The following ANKRD6 variants were observed in gnomAD, a reference collection of about 807,000 sequenced individuals.
ANKRD6 encodes ankyrin repeat domain-containing protein 6.
A neutral mutation model predicts 82.3 loss-of-function variants in ANKRD6; 56 were observed. That is an observed-to-expected ratio of 0.68 (90% confidence interval 0.55 to 0.85). The LOEUF (loss-of-function observed/expected upper bound fraction) is 0.85, where lower values mean the gene tolerates loss of function less well. Ranked by LOEUF, ANKRD6 falls within the 40% of genes least tolerant of loss-of-function variation. The pLI is 0.00. For missense variants in ANKRD6, 852 were observed against 907.6 expected (o/e 0.94, Z 0.79); for synonymous variants, 347 against 352.1 (o/e 0.99, Z 0.16).
intron 1 of ANKRD6, among the ~76,000 whole-genome samples, chr6:89,522,838 C>T (rs1223900328): frequency 2.6e-5 from 4 of 152,048 alleles, no homozygotes; most frequent in Non-Finnish European, 5.9e-5. Flanking sequence ...TTGCACTCTT[C>T]CTGGTCTCAG....
intron 3 of ANKRD6, among the ~76,000 whole-genome samples, chr6:89,601,449 C>G (rs1341614263): frequency 6.6e-6 from 1 of 152,060 alleles, no homozygotes; most frequent in Admixed American, 6.6e-5. Context: ...TGTTTCTGCT[C>G]AGACTTCTAA....
intron 1 of ANKRD6, among the ~76,000 whole-genome samples, chr6:89,565,729 C>T (rs764607853): frequency 3.9e-5 from 6 of 152,216 alleles, no homozygotes; most frequent in African/African-American, 7.2e-5. Flanking sequence ...CTGCATCTTC[C>T]AGACCTTCAG....
In ANKRD6 at chr6:89,630,739, G is replaced by T. The variant is rs367720865; in HGVS notation, c.1919G>T (p.Ser640Ile). ...CGTGCCCAGCAACCCGCAGCCAGCA[G>T]CACCTGTGGGCAGCCGCCACCAGCC... ...RHRAQQPAASSTCGQPPPATG... is the reference protein window; with the variant it reads ...RHRAQQPAASITCGQPPPATG... The change falls in exon 16 of 16, where the codon AGC becomes ATC. Residue 640 changes from serine to isoleucine, a missense_variant. Ser to Ile is a moderately radical substitution (Grantham distance 142). Coordinates refer to ENST00000339746, the MANE Select transcript of ANKRD6 (RefSeq NM_001242809.2). 6 of 1,613,836 alleles carry T rather than the reference G, an allele frequency of 3.7e-6. No individual in the cohort carries two copies. The African/African-American group carries it at 6.7e-5, about 18-fold the overall frequency.
At chr6:89,463,015 T>C (rs901954083) in intron 1 of ANKRD6, among the ~76,000 whole-genome samples, 3 of 151,982 alleles carry the variant, frequency 2.0e-5, no homozygotes, top group African/African-American at 4.8e-5. Context: ...TGTGCCACCA[T>C]GCCCAGCTAA....
At chr6:89,599,909 G>C (rs1796716044) in intron 3 of ANKRD6, among the ~76,000 whole-genome samples, 1 of 152,124 alleles carries the variant, frequency 6.6e-6, no homozygotes, top group African/African-American at 2.4e-5. Context: ...CCTGACAGCA[G>C]TGTTTATCTG....
intron 1 of ANKRD6, among the ~76,000 whole-genome samples, chr6:89,548,532 T>G (rs774880047): frequency 4.6e-5 from 7 of 152,370 alleles, no homozygotes; most frequent in Non-Finnish European, 8.8e-5. Flanking sequence ...TTCTGTTCAC[T>G]TAGACACAGA....
intron 1 of ANKRD6, among the ~76,000 whole-genome samples, chr6:89,548,261 T>G (rs1365817925): frequency 6.6e-6 from 1 of 152,236 alleles, no homozygotes; most frequent in African/African-American, 2.4e-5. Context: ...TTTTGGACAT[T>G]TCATATAAAT....
At chr6:89,457,356 A>C (rs990465174) in intron 1 of ANKRD6, among the ~76,000 whole-genome samples, 2 of 152,192 alleles carry the variant, frequency 1.3e-5, no homozygotes, top group African/African-American at 4.8e-5. Flanking sequence ...AGACTACCAT[A>C]AATTGGAGTG....
intron 3 of ANKRD6, among the ~76,000 whole-genome samples, chr6:89,599,835 G>C (rs1796699643): frequency 1.3e-5 from 2 of 152,104 alleles, no homozygotes; most frequent in African/African-American, 4.8e-5. Context: ...ATTCCAGCTA[G>C]TGTCAGCACA....
At chr6:89,506,014 CATAGAA>C (rs528373856) in intron 1 of ANKRD6, among the ~76,000 whole-genome samples, 20 of 152,198 alleles carry the variant, frequency 1.3e-4, no homozygotes, top group Admixed American at 9.8e-4. Flanking sequence ...AAGTCAAACT[CATAGAA>C]ATAGAGTAGG....
At chr6:89,462,485 G>T (rs553637054) in intron 1 of ANKRD6, among the ~76,000 whole-genome samples, 2 of 152,044 alleles carry the variant, frequency 1.3e-5, no homozygotes, top group South Asian at 4.1e-4. Flanking sequence ...GGGGACTGGA[G>T]TGAAGCACCT....
At chr6:89,523,791 G>A (rs1213494659) in intron 1 of ANKRD6, among the ~76,000 whole-genome samples, 2 of 152,100 alleles carry the variant, frequency 1.3e-5, no homozygotes, top group Non-Finnish European at 2.9e-5. Flanking sequence ...TGCTAAGCCT[G>A]CAGAAATGTA....
At chr6:89,539,448 A>G (rs1284503580) in intron 1 of ANKRD6, among the ~76,000 whole-genome samples, 1 of 152,182 alleles carries the variant, frequency 6.6e-6, no homozygotes, top group African/African-American at 2.4e-5. Context: ...TATGAAAAAT[A>G]ATGATATACA....
chr6:89,573,362 A>C (rs1481802128), intron 2 of ANKRD6, among the ~76,000 whole-genome samples: 1 of 152,214 alleles, frequency 6.6e-6, no homozygotes, highest in Non-Finnish European at 1.5e-5. Context: ...TTCATCTACT[A>C]TCTGATAACT....
In ANKRD6 at chr6:89,621,926, T is replaced by G. The variant is rs1329609703; in HGVS notation, c.797T>G (p.Leu266Trp). The G allele has an allele frequency of 6.2e-7, 1 of 1,613,954 alleles. No individual in the cohort carries two copies. The highest frequency in any genetic ancestry group is 1.7e-4 in the Middle Eastern group (1 of 6,056). ...AATGCCGTTTGCCTCCTTCAGGTCTTGCGCTTCAGTCGTGGGCGAAGCCTG... is the reference window on the plus strand; with the variant it reads ...AATGCCGTTTGCCTCCTTCAGGTCTGGCGCTTCAGTCGTGGGCGAAGCCTG... ...ALLLTKAPQV[L>W]RFSRGRSLRK... The change falls in exon 10 of 16, where the codon TTG becomes TGG. Residue 266 changes from leucine to tryptophan, a missense_variant. Transcript: ENST00000339746.
At chr6:89,611,426 T>G (rs1800227292) in intron 5 of ANKRD6, among the ~76,000 whole-genome samples, 1 of 152,224 alleles carries the variant, frequency 6.6e-6, no homozygotes, top group Admixed American at 6.5e-5. Context: ...ATGTCACCTA[T>G]CACACGGCCT....
chr6:89,434,458 C>G (rs55665361), intron 1 of ANKRD6, among the ~76,000 whole-genome samples: 1,591 of 152,210 alleles, frequency 0.01, 18 homozygotes, highest in Non-Finnish European at 0.013. Context: ...TTCTCATCCC[C>G]AAAACACCAA....
chr6:89,610,830 G>A (rs976017774), intron 5 of ANKRD6, among the ~76,000 whole-genome samples: 3 of 151,106 alleles, frequency 2.0e-5, no homozygotes, highest in Non-Finnish European at 4.4e-5. Context: ...TGAAGACCAG[G>A]CCTGGGGTGA....
chr6:89,433,433 C>T lies in ANKRD6; in HGVS notation c.-144+58C>T, dbSNP rs1261408722. 6.6e-6 allele frequency: 1 copy of T among 152,204 alleles called. No individual in the cohort carries two copies. Among genetic ancestry groups the T allele is most frequent in the Middle Eastern group, 3.2e-3 (1 of 316 alleles). 9.4% of individuals were successfully genotyped at this position (152,204 alleles called of 1,614,324 possible). A position where few individuals can be genotyped will look rare whatever the true frequency, so the allele number is the denominator to read the frequency against. ...CCCGCTTACACCGGGGTGGGCGCCT[C>T]AGGTCGGGGAGGACGCTGTCGGGGG... is the stretch of plus-strand genomic sequence containing the variant. On this transcript the variant is annotated intron_variant, in intron 1 of 15. Coordinates refer to ENST00000339746, the MANE Select transcript of ANKRD6 (RefSeq NM_001242809.2). This position sits in a 1 kb window ranked among gnomAD's most constrained non-coding sequence, Gnocchi z 4.3.
Sources: allele counts gnomAD v4.1 joint callset (sites outside exome capture counted in the v4.1 genomes callset), GRCh38; gene constraint gnomAD v4.1.1; non-coding constraint Gnocchi (gnomAD v3.1); transcripts MANE v1.5; gene names NCBI Gene and HGNC (gene_info 2026-07-23, HGNC 2026-07-21).